Variants in TNRC6B observed in about 807,000 individuals in gnomAD.
TNRC6B encodes the protein trinucleotide repeat-containing gene 6B protein.
Under a neutral mutation model 203.6 loss-of-function variants are expected in TNRC6B, and 52 were observed. The ratio of observed to expected loss-of-function variants is 0.26; its 90% confidence interval spans 0.20 to 0.32. The LOEUF (loss-of-function observed/expected upper bound fraction) is 0.32. Ranked by LOEUF, TNRC6B falls within the 10% of genes least tolerant of loss-of-function variation. TNRC6B has a pLI of 1.00. For synonymous variants in TNRC6B, 838 were observed against 845.7 expected (o/e 0.99, Z 0.16); for missense variants, 1,923 against 2,286.2 (o/e 0.84, Z 3.24).
At chr22:40,053,471 A>G (rs1010427489) in intron 1 of TNRC6B, among the ~76,000 whole-genome samples, 1 of 137,930 alleles carries the variant, frequency 7.3e-6, no homozygotes, top group Non-Finnish European at 1.5e-5. Flanking sequence ...TTCAAAAACT[A>G]CAGTATGGAA....
chr22:40,160,357 T>G (rs973497367), intron 4 of TNRC6B, among the ~76,000 whole-genome samples: 5 of 150,976 alleles, frequency 3.3e-5, no homozygotes, highest in African/African-American at 9.8e-5. Context: ...ATGCCTATAA[T>G]CCCAGCTACT....
intron 1 of TNRC6B, among the ~76,000 whole-genome samples, chr22:40,227,097 A>G (rs1465786270): frequency 1.4e-5 from 2 of 146,902 alleles, no homozygotes; most frequent in Admixed American, 6.9e-5. Flanking sequence ...TATTATTATT[A>G]TTATTATTAT....
chr22:40,264,712 C>T lies in TNRC6B; in HGVS notation c.482C>T (p.Ala161Val), dbSNP rs772537338. ...GACTCAACCCTTGGAGGTGCTGCTG[C>T]TTCAAATTATGCAAATTCCACTTGG... ...APDSTLGGAA[A>V]SNYANSTWGS... Residue 161 changes from alanine (A) to valine (V), a missense_variant, in exon 5 of 23, where the codon GCT becomes GTT. Ala to Val is a moderately conservative substitution (Grantham distance 64). This residue lies in a region of TNRC6B where 614 missense variants were observed against 587.7 expected (regional missense o/e 1.04). Transcript: ENST00000454349. 1 of 1,600,974 alleles carries T rather than the reference C, an allele frequency of 6.2e-7. No homozygotes were observed.
At position 40,266,893 on chromosome 22, in the gene TNRC6B, A is replaced by T; in HGVS notation, c.2663A>T (p.Asp888Val). ...PSPQSISRKM[D>V]IDDGTSAWGD... is the part of the protein sequence containing the mutation. ...CCACAGTCAATTAGTCGGAAAATGG[A>T]CATTGATGATGGCACTTCAGCATGG... The change falls in exon 5 of 23, where the codon GAC (aspartate) becomes GTC (valine). Residue 888 changes from aspartate (D) to valine (V), a missense_variant. Physicochemically the swap from Asp to Val is radical, Grantham distance 152 (BLOSUM62 -3). Around this residue, in one of 8 missense-constraint regions of TNRC6B, gnomAD observed 599 missense variants for 656.5 expected, o/e 0.91. Transcript: ENST00000454349. 1 of 1,613,996 alleles carries T rather than the reference A, an allele frequency of 6.2e-7. No individual in the cohort carries two copies. Among genetic ancestry groups the T allele is most frequent in the South Asian group, 1.1e-5 (1 of 91,082 alleles).
At chr22:40,046,320 A>G (rs1193230462) in intron 1 of TNRC6B, among the ~76,000 whole-genome samples, 1 of 152,260 alleles carries the variant, frequency 6.6e-6, no homozygotes, top group African/African-American at 2.4e-5. Context: ...TACAGCGCGC[A>G]GCATTGCTGT....
intron 1 of TNRC6B, among the ~76,000 whole-genome samples, chr22:40,046,842 TC>T (rs2067692590): frequency 6.6e-6 from 1 of 151,960 alleles, no homozygotes; most frequent in Admixed American, 6.6e-5. Context: ...AGACGGCGTT[TC>T]ACCATGTTAG....
At chr22:40,313,085 G>A in intron 19 of TNRC6B, 88 bp downstream of exon 19, 1 of 1,030,560 alleles carries the variant, frequency 9.7e-7, no homozygotes, top group Non-Finnish European at 1.5e-6. Flanking sequence ...TATTTCATAA[G>A]ATATACTCTT....
At chr22:40,136,841 A>T (rs2068604034) in intron 3 of TNRC6B, among the ~76,000 whole-genome samples, 1 of 152,200 alleles carries the variant, frequency 6.6e-6, no homozygotes, top group African/African-American at 2.4e-5. Context: ...GGAAGCTAAC[A>T]TTTTAGCTAT....
intron 1 of TNRC6B, among the ~76,000 whole-genome samples, chr22:40,206,144 T>A (rs958217805): frequency 6.6e-6 from 1 of 152,126 alleles, no homozygotes; most frequent in African/African-American, 2.4e-5. Context: ...TTTTTTAATT[T>A]TTTATTTTTT....
At chr22:40,318,452 C>T (rs959499034) in intron 21 of TNRC6B, among the ~76,000 whole-genome samples, 6 of 151,916 alleles carry the variant, frequency 3.9e-5, no homozygotes, top group African/African-American at 1.2e-4. Context: ...GAGGCTGTGG[C>T]GGGAGAATGG....
intron 3 of TNRC6B, among the ~76,000 whole-genome samples, chr22:40,150,853 T>G (rs1050508005): frequency 1.3e-5 from 2 of 152,116 alleles, no homozygotes; most frequent in Admixed American, 1.3e-4. Flanking sequence ...GCTGTAGGCA[T>G]CTGAAGGTCC....
intron 6 of TNRC6B, among the ~76,000 whole-genome samples, chr22:40,273,124 A>T (rs1205313589): frequency 6.6e-6 from 1 of 152,236 alleles, no homozygotes; most frequent in Non-Finnish European, 1.5e-5. Flanking sequence ...CTTGCCAGGA[A>T]TGTTGTGATA....
At chr22:40,276,710 C>G (rs2070649977) in intron 7 of TNRC6B, 5 of 162,082 alleles carry the variant, frequency 3.1e-5, no homozygotes, top group Middle Eastern at 2.7e-3. Flanking sequence ...CTGTTTTCTC[C>G]TAACATAAAC....
intron 3 of TNRC6B, among the ~76,000 whole-genome samples, chr22:40,139,036 A>G (rs1024149177): frequency 1.3e-5 from 2 of 152,192 alleles, no homozygotes; most frequent in Non-Finnish European, 1.5e-5. Flanking sequence ...CATCACTGCC[A>G]TCTAATTTAA....
chr22:40,160,133 C>T (rs970565942), intron 4 of TNRC6B, among the ~76,000 whole-genome samples: 1 of 151,322 alleles, frequency 6.6e-6, no homozygotes, highest in South Asian at 2.1e-4. Context: ...TTCTTTTAAA[C>T]GTCTGTCAAA....
At chr22:40,180,283 T>C (rs1477985908) in intron 1 of TNRC6B, among the ~76,000 whole-genome samples, 1 of 152,204 alleles carries the variant, frequency 6.6e-6, no homozygotes, top group East Asian at 1.9e-4. Context: ...AAAGTTGGTC[T>C]TACTGAAGAG....
Position 40,278,006 on chromosome 22 carries a change from C to T in TNRC6B, c.3224C>T (p.Thr1075Ile). 1 of 1,560,218 alleles carries T rather than the reference C, an allele frequency of 6.4e-7. No individual in the cohort carries two copies. Among genetic ancestry groups the T allele is most frequent in the East Asian group, 2.3e-5 (1 of 42,750 alleles). The change falls in exon 9 of 23, where the codon ACT (threonine) becomes ATT (isoleucine). Residue 1075 changes from threonine to isoleucine, a missense_variant. Physicochemically the swap from Thr to Ile is moderately conservative, Grantham distance 89. Coordinates refer to ENST00000454349, the MANE Select transcript of TNRC6B (RefSeq NM_001162501.2). ...QFSNMGLLSQ[T>I]EDNPSSKMDL... ...CTGTTCTTTATTTTCCAGAGTCAGA[C>T]TGAAGATAATCCAAGCAGCAAAATG... is the stretch of plus-strand genomic sequence containing the variant.
intron 12 of TNRC6B, among the ~76,000 whole-genome samples, chr22:40,292,352 C>CAA (rs3044498): frequency 4.0e-5 from 4 of 100,806 alleles, no homozygotes; most frequent in African/African-American, 4.5e-5. Context: ...GACTCCATCT[C>CAA]AAAAAAAAAA....
At chr22:40,235,833 G>A (rs1217623365) in intron 1 of TNRC6B, among the ~76,000 whole-genome samples, 1 of 152,116 alleles carries the variant, frequency 6.6e-6, no homozygotes, top group East Asian at 1.9e-4. Flanking sequence ...TCTGTAATGT[G>A]GGGACTAAAT....
Sources: gnomAD v4.1 joint callset for allele counts (sites outside exome capture counted in the v4.1 genomes callset) on GRCh38, gnomAD v4.1.1 for gene constraint, gnomAD v4.1.1 regional missense constraint, MANE v1.5 for transcripts, NCBI Gene and HGNC (gene_info 2026-07-23, HGNC 2026-07-21) for gene names.